The following SNTG1 variants were observed in gnomAD, a reference collection of about 807,000 sequenced individuals.
SNTG1 encodes gamma-1-syntrophin.
Under a neutral mutation model 74.7 loss-of-function variants are expected in SNTG1, and 39 were observed. That is an observed-to-expected ratio of 0.52 (90% confidence interval 0.40 to 0.68). The LOEUF (loss-of-function observed/expected upper bound fraction) is 0.68, where lower values mean the gene tolerates loss of function less well. Among genes scored for constraint, SNTG1 ranks in the 30% least tolerant of loss-of-function variants. SNTG1 has a pLI of 0.00. For missense variants in SNTG1, 685 were observed against 609.5 expected (o/e 1.12, Z -1.30); for synonymous variants, 254 against 217.1 (o/e 1.17, Z -1.49).
intron 2 of SNTG1, among the ~76,000 whole-genome samples, chr8:50,291,325 A>G (rs2089096166): frequency 6.6e-6 from 1 of 152,006 alleles, no homozygotes; most frequent in African/African-American, 2.4e-5. Flanking sequence ...ACAGGGTAGA[A>G]GGAAAGAGTG....
At chr8:50,677,920 G>T (rs28520704) in intron 15 of SNTG1, among the ~76,000 whole-genome samples, 1 of 151,514 alleles carries the variant, frequency 6.6e-6, no homozygotes, top group Non-Finnish European at 1.5e-5. Flanking sequence ...TAATAATATT[G>T]TTCTTAATGA....
At chr8:50,099,101 T>G (rs1413429145) in intron 1 of SNTG1, among the ~76,000 whole-genome samples, 4 of 152,134 alleles carry the variant, frequency 2.6e-5, no homozygotes, top group African/African-American at 9.6e-5. Context: ...ATTAGGGATA[T>G]GTGTCTAATG....
intron 15 of SNTG1, among the ~76,000 whole-genome samples, chr8:50,668,781 T>A (rs1249069553): frequency 6.6e-6 from 1 of 151,952 alleles, no homozygotes; most frequent in Non-Finnish European, 1.5e-5. Context: ...GACTTCCAGT[T>A]CATCCATGTC....
At chr8:50,213,417 T>C (rs1217326675) in intron 2 of SNTG1, among the ~76,000 whole-genome samples, 2 of 152,194 alleles carry the variant, frequency 1.3e-5, no homozygotes, top group Non-Finnish European at 2.9e-5. Context: ...TACCAATTGC[T>C]GTGAGGGGGA....
At chr8:50,297,633 C>T (rs868668126) in intron 2 of SNTG1, among the ~76,000 whole-genome samples, 4 of 152,206 alleles carry the variant, frequency 2.6e-5, no homozygotes, top group Non-Finnish European at 2.9e-5. Context: ...AGTGTGGAGA[C>T]GCTGGAGAAA....
intron 9 of SNTG1, among the ~76,000 whole-genome samples, chr8:50,523,721 A>G (rs1298677436): frequency 6.6e-6 from 1 of 152,184 alleles, no homozygotes; most frequent in Non-Finnish European, 1.5e-5. Flanking sequence ...AATAATGAAA[A>G]AGTTGAAATA....
At chr8:50,284,842 ACTCTC>A (rs1464730137) in intron 2 of SNTG1, among the ~76,000 whole-genome samples, 1 of 151,976 alleles carries the variant, frequency 6.6e-6, no homozygotes, top group East Asian at 1.9e-4. Context: ...ATAAAAATAA[ACTCTC>A]CTATATCCTT....
chr8:49,940,936 T>C (rs113996822), intron 1 of SNTG1, among the ~76,000 whole-genome samples: 1,963 of 152,304 alleles, frequency 0.013, 50 homozygotes, highest in African/African-American at 0.043. Flanking sequence ...TTTAAAAAAC[T>C]TTAACTGATA....
chr8:50,450,568 G>T lies in SNTG1; in HGVS notation c.290G>T (p.Gly97Val), dbSNP rs773692303. 5 of 1,613,148 alleles carry T rather than the reference G, an allele frequency of 3.1e-6. No homozygotes were observed. Among genetic ancestry groups the T allele is most frequent in the East Asian group, 4.5e-5 (2 of 44,750 alleles). Residue 97 changes from glycine to valine, a missense_variant, in exon 7 of 19, where the codon GGA becomes GTA. Gly to Val is a moderately radical substitution (Grantham distance 109, BLOSUM62 -3). Coordinates refer to ENST00000642720, the MANE Select transcript of SNTG1 (RefSeq NM_018967.5). ...TTTTCATTCACAGCGGAACTTTCAG[G>T]ACTACTTTTTATTGGAGATGCAATT... The part of the protein sequence containing the change: ...ISKEQRAELS[G>V]LLFIGDAILQ...
chr8:50,548,450 G>C (rs16915013), intron 11 of SNTG1, among the ~76,000 whole-genome samples: 19,260 of 152,202 alleles, frequency 0.13, 1,464 homozygotes, highest in Middle Eastern at 0.26. Flanking sequence ...CAGTGGAGCT[G>C]TCTTGGATAA....
At chr8:49,950,241 A>G (rs1809584357) in intron 1 of SNTG1, among the ~76,000 whole-genome samples, 1 of 152,204 alleles carries the variant, frequency 6.6e-6, no homozygotes, top group Non-Finnish European at 1.5e-5. Context: ...TAAATTTTAA[A>G]TGTTGCTTGC....
At chr8:50,295,855 G>A (rs1374413415) in intron 2 of SNTG1, among the ~76,000 whole-genome samples, 1 of 152,124 alleles carries the variant, frequency 6.6e-6, no homozygotes, top group African/African-American at 2.4e-5. Context: ...TGGACAAAAT[G>A]TTCCTCATTT....
At chr8:50,292,902 G>C (rs540683545) in intron 2 of SNTG1, among the ~76,000 whole-genome samples, 19 of 144,682 alleles carry the variant, frequency 1.3e-4, no homozygotes, top group Non-Finnish European at 7.6e-5. Flanking sequence ...AGGAAAAGCA[G>C]TATGCAACAG....
At chr8:50,523,112 T>C (rs1424521362) in intron 9 of SNTG1, among the ~76,000 whole-genome samples, 1 of 152,168 alleles carries the variant, frequency 6.6e-6, no homozygotes, top group African/African-American at 2.4e-5. Context: ...CTTCAAACTT[T>C]TTTTTCTGTA....
chr8:50,134,340 G>A (rs143485873), intron 1 of SNTG1, among the ~76,000 whole-genome samples: 11 of 152,180 alleles, frequency 7.2e-5, no homozygotes, highest in Admixed American at 2.6e-4. Flanking sequence ...GATCGCCAAT[G>A]CCTATGAAAA....
Position 50,311,854 on chromosome 8 carries a change from G to A in SNTG1, c.-27-82358G>A, listed in dbSNP as rs748901682. On this transcript the variant is annotated intron_variant, in intron 2 of 18. Transcript: ENST00000642720. Reference sequence around the variant, plus strand: ...GTAATGTGAAATATTCAATTAAGTTGCCAGGGTAACCAAGTACTAGTCTTT... The same window carrying A: ...GTAATGTGAAATATTCAATTAAGTTACCAGGGTAACCAAGTACTAGTCTTT... Among the ~76,000 whole-genome samples, 21 of 152,238 alleles carry A rather than the reference G, an allele frequency of 1.4e-4. 1 individual carries two copies. The highest frequency in any genetic ancestry group is 6.8e-3 in the Middle Eastern group (2 of 294).
intron 17 of SNTG1, among the ~76,000 whole-genome samples, chr8:50,741,784 T>G (rs192579789): frequency 9.7e-4 from 147 of 152,158 alleles, no homozygotes; most frequent in African/African-American, 3.5e-3. Context: ...ATATACTGTA[T>G]GATTCCAACT....
At position 50,586,132 on chromosome 8, in the gene SNTG1, G is replaced by A. The variant is rs543222669; in HGVS notation, c.811-4747G>A. Among the ~76,000 whole-genome samples the A allele has an allele frequency of 3.3e-5, 5 of 152,256 alleles. No homozygotes were observed. In the East Asian group the frequency reaches 9.7e-4, roughly 29 times the overall value. Reference sequence around the variant, plus strand: ...AGAGTTGACAAGAAAATAGAAGGGAGTATGAAAACTACAGTGTAAGAAAGA... The same window carrying A: ...AGAGTTGACAAGAAAATAGAAGGGAATATGAAAACTACAGTGTAAGAAAGA... On this transcript the variant is annotated intron_variant, in intron 12 of 18. Transcript: ENST00000642720.
chr8:50,274,025 T>G (rs1382702398), intron 2 of SNTG1, among the ~76,000 whole-genome samples: 5 of 152,186 alleles, frequency 3.3e-5, no homozygotes, highest in African/African-American at 9.7e-5. Flanking sequence ...TATTTCAAAT[T>G]TCAATTGTTA....
Sources: gnomAD v4.1 joint callset for allele counts (sites outside exome capture counted in the v4.1 genomes callset) on GRCh38, gnomAD v4.1.1 for gene constraint, MANE v1.5 for transcripts, NCBI Gene and HGNC (gene_info 2026-07-23, HGNC 2026-07-21) for gene names.